Variants in PCNT observed in about 807,000 individuals in gnomAD.
PCNT encodes the protein kendrin.
PCNT carries 319 observed loss-of-function variants against 380.4 expected under a neutral mutation model. The ratio of observed to expected loss-of-function variants is 0.84; its 90% CI spans 0.77 to 0.92. The LOEUF (loss-of-function observed/expected upper bound fraction) is 0.92, where lower values mean the gene tolerates loss of function less well. Ranked by LOEUF, PCNT falls within the 40% of genes least tolerant of loss-of-function variation. The pLI, the probability that PCNT is intolerant of heterozygous loss-of-function variation, is 0.00. For missense variants in PCNT, 4,400 were observed against 4,255.3 expected (o/e 1.03, Z -0.95); for synonymous variants, 1,845 against 1,735.2 (o/e 1.06, Z -1.57).
chr21:46,428,369 G>T, intron 34 of PCNT, 26 bp from the exon 35 acceptor site: 1 of 1,606,978 alleles, frequency 6.2e-7, no homozygotes, highest in Non-Finnish European at 8.5e-7. Flanking sequence ...CCAATGCTCA[G>T]GCTGCTTGTC....
At chr21:46,334,812 AT>A in intron 3 of PCNT, 44 bp downstream of exon 3, 1 of 1,614,074 alleles carries the variant, frequency 6.2e-7, no homozygotes, top group Non-Finnish European at 8.5e-7. Flanking sequence ...TTGTCAAAAG[AT>A]TTCTTTATGT....
chr21:46,416,191 T>C lies in PCNT; in HGVS notation c.6273T>C (p.Ala2091=). Residue 2091 remains alanine, a synonymous_variant, in exon 30 of 47, where the codon GCT becomes GCC. Transcript: ENST00000359568. ...CCATGACCTTCCAGAATGTGGATGC[T>C]GCCGACACCAAATCTCTGTGGCCCA... ...LYSMTFQNVD[A]ADTKSLWPMA... is the part of the protein sequence containing the mutation. The C allele has an allele frequency of 6.2e-7, 1 of 1,614,240 alleles. No homozygotes were observed. The highest frequency in any genetic ancestry group is 8.5e-7 in the Non-Finnish European group (1 of 1,180,046).
chr21:46,385,268 ATTGT>A (rs2085792079), intron 16 of PCNT, among the ~76,000 whole-genome samples: 1 of 152,108 alleles, frequency 6.6e-6, no homozygotes, highest in Admixed American at 6.5e-5. Flanking sequence ...AGGTGGGAGG[ATTGT>A]TTGTGCCCTG....
At chr21:46,372,612 A>G (rs1186488045) in intron 15 of PCNT, among the ~76,000 whole-genome samples, 2 of 152,196 alleles carry the variant, frequency 1.3e-5, no homozygotes, top group Non-Finnish European at 2.9e-5. Context: ...ATATGGTTTC[A>G]AGGGGGTTTT....
Position 46,359,480 on chromosome 21 carries a change from G to GTTTT in PCNT, c.2154+2296_2154+2299dup, listed in dbSNP as rs1478908165. Among the ~76,000 whole-genome samples the GTTTT allele has an allele frequency of 3.2e-3, 208 of 65,642 alleles. 12 individuals are homozygous for GTTTT. The highest frequency in any genetic ancestry group is 4.1e-3 in the Non-Finnish European group (120 of 29,532). The allele number at this position is 65,642 out of a possible 152,430, so 43.1% of individuals were successfully genotyped here. On this transcript the variant is annotated intron_variant, in intron 13 of 46. Transcript: ENST00000359568. ...TAGTATTCTGTCCAAAAATACACCT[G>GTTTT]TTTTTTTTTTGTTTTTTTTTTTTTT...
intron 13 of PCNT, among the ~76,000 whole-genome samples, chr21:46,357,720 C>T (rs993248106): frequency 1.3e-5 from 2 of 152,192 alleles, no homozygotes; most frequent in Admixed American, 6.5e-5. Context: ...TGAGCCACCA[C>T]GCCCGGCCCT....
intron 24 of PCNT, 86 bp downstream of exon 24, chr21:46,398,341 G>A (rs1242755672): frequency 1.3e-5 from 18 of 1,357,564 alleles, no homozygotes; most frequent in South Asian, 9.9e-5. Flanking sequence ...CCACCCACTC[G>A]CTTTTCTTGC....
chr21:46,356,340 G>GT (rs2084476755), intron 12 of PCNT, among the ~76,000 whole-genome samples: 2 of 152,344 alleles, frequency 1.3e-5, no homozygotes, highest in South Asian at 4.1e-4. Context: ...GCTGGGGGTG[G>GT]TGCAGCGGCG....
At position 46,388,927 on chromosome 21, in the gene PCNT, C is replaced by T. The variant is rs2085936019; in HGVS notation, c.3607+43C>T. ...AGCTGCCCAGCCCTGTGCTTGCAGCCCCTCTGTGGTCCTGGAGCTCTCTGA... is the reference window on the plus strand; with the variant it reads ...AGCTGCCCAGCCCTGTGCTTGCAGCTCCTCTGTGGTCCTGGAGCTCTCTGA... On this transcript the variant is annotated intron_variant, in intron 18 of 46. Coordinates refer to ENST00000359568, the MANE Select transcript of PCNT (RefSeq NM_006031.6). This position sits in a 1 kb window ranked among gnomAD's most constrained non-coding sequence, Gnocchi z 4.2. The T allele has an allele frequency of 1.3e-6, 2 of 1,556,154 alleles. No homozygotes were observed. Among genetic ancestry groups the T allele is most frequent in the Non-Finnish European group, 1.7e-6 (2 of 1,156,826 alleles).
At chr21:46,350,109 G>A (rs1329045934) in intron 8 of PCNT, among the ~76,000 whole-genome samples, 2 of 152,196 alleles carry the variant, frequency 1.3e-5, no homozygotes, top group Non-Finnish European at 2.9e-5. Flanking sequence ...AACCTAGGAG[G>A]TGGAGGTTGC....
intron 34 of PCNT, 72 bp downstream of exon 34, chr21:46,427,867 A>T (rs781657708): frequency 1.7e-4 from 253 of 1,524,662 alleles, no homozygotes; most frequent in Non-Finnish European, 2.2e-4. Flanking sequence ...GGTGACACAG[A>T]CTGTTTTGTG....
rs199847432 is a variant in PCNT at position 46,411,550 on chromosome 21, G to C, written c.5477G>C (p.Gly1826Ala). The change falls in exon 28 of 47, where the codon GGC (glycine) becomes GCC (alanine). Residue 1826 changes from glycine (G) to alanine (A), a missense_variant. Transcript: ENST00000359568. ...ALEALQQRLQ[G>A]AEEAAELQLA... is the part of the protein sequence containing the mutation. ...GAGGCCCTGCAGCAGCGCCTCCAGG[G>C]CGCAGAGGAGGCTGCGGAGCTACAG... 1.9e-4 allele frequency: 303 copies of C among 1,612,220 alleles called. 1 individual carries two copies. The highest frequency in any genetic ancestry group is 2.5e-4 in the Non-Finnish European group (293 of 1,179,512).
chr21:46,394,434 G>T (rs2086140053), intron 21 of PCNT: 1 of 736,334 alleles, frequency 1.4e-6, no homozygotes, highest in African/African-American at 1.9e-5. Flanking sequence ...GCCGTCACTG[G>T]TTCTAGCTCT....
At chr21:46,329,443 C>G (rs1037204814) in intron 2 of PCNT, among the ~76,000 whole-genome samples, 5 of 152,072 alleles carry the variant, frequency 3.3e-5, no homozygotes, top group African/African-American at 1.2e-4. Flanking sequence ...TTGGTATTTC[C>G]TACAATAAAC....
intron 1 of PCNT, chr21:46,324,974 G>C (rs1386322031): frequency 2.3e-6 from 2 of 878,540 alleles, no homozygotes; most frequent in African/African-American, 3.8e-5. Context: ...CGTCCTGCCC[G>C]TCCGGGCCTG....
intron 15 of PCNT, among the ~76,000 whole-genome samples, chr21:46,370,459 G>T (rs1398768732): frequency 6.7e-6 from 1 of 149,720 alleles, no homozygotes; most frequent in Non-Finnish European, 1.5e-5. Context: ...GATAGTGAGG[G>T]GTGCCTGCCA....
At chr21:46,419,806 T>TCTCGACTCACTGCAGCCTCCAC (rs1447096186) in intron 31 of PCNT, among the ~76,000 whole-genome samples, 2 of 152,012 alleles carry the variant, frequency 1.3e-5, no homozygotes, top group Non-Finnish European at 2.9e-5. Flanking sequence ...AGTGGCGTAG[T>TCTCGACTCACTGCAGCCTCCAC]CTCGACTCAC....
At chr21:46,368,127 A>T (rs193269161) in intron 15 of PCNT, among the ~76,000 whole-genome samples, 1 of 152,314 alleles carries the variant, frequency 6.6e-6, no homozygotes, top group African/African-American at 2.4e-5. Flanking sequence ...ACTGCACTCC[A>T]GCCTGGGCTG....
intron 3 of PCNT, 129 bp downstream of exon 3, chr21:46,334,897 T>G (rs1220209927): frequency 4.8e-6 from 7 of 1,449,850 alleles, no homozygotes; most frequent in African/African-American, 2.8e-5. Context: ...ACTGGAAGCA[T>G]AGAGAGCTGG....
Sources: gnomAD v4.1 joint callset for allele counts (sites outside exome capture counted in the v4.1 genomes callset) on GRCh38, gnomAD v4.1.1 for gene constraint, Gnocchi (gnomAD v3.1) non-coding constraint, MANE v1.5 for transcripts, NCBI Gene and HGNC (gene_info 2026-07-23, HGNC 2026-07-21) for gene names.